PLCD1: variants seen among roughly 807,000 people sequenced by gnomAD.
PLCD1 encodes 1-phosphatidylinositol 4,5-bisphosphate phosphodiesterase delta-1.
In PLCD1, 71 loss-of-function variants were observed where a neutral mutation model predicts 87.4. The ratio of observed to expected loss-of-function variants is 0.81; its 90% CI spans 0.67 to 0.99. The LOEUF (loss-of-function observed/expected upper bound fraction) is 0.99, where lower values mean the gene tolerates loss of function less well. PLCD1 is among the 50% of genes least tolerant of loss of function. The pLI is 0.00. For synonymous variants in PLCD1, 348 were observed against 399.2 expected (o/e 0.87, Z 1.53); for missense variants, 867 against 1,001.5 (o/e 0.87, Z 1.81).
Position 38,008,085 on chromosome 3 carries a change from T to G in PLCD1, c.2114A>C (p.Glu705Ala). 1 of 1,614,128 alleles carries G rather than the reference T, an allele frequency of 6.2e-7. No individual in the cohort carries two copies. The highest frequency in any genetic ancestry group is 8.5e-7 in the Non-Finnish European group (1 of 1,179,996). Reference sequence around the variant, plus strand: ...ATTCTTGGAGGAGGCATCATAATCTTCCACCAAGAAGCGGATGAGGGCAAG... The same window carrying G: ...ATTCTTGGAGGAGGCATCATAATCTGCCACCAAGAAGCGGATGAGGGCAAG... Reference protein sequence around the residue: ...PDLALIRFLVEDYDASSKNDF... With the variant: ...PDLALIRFLVADYDASSKNDF... Residue 705 changes from glutamate (E) to alanine (A), a missense_variant, in exon 14 of 15, where the codon GAA (glutamate) becomes GCA (alanine). Transcript: ENST00000334661.
intron 1 of PLCD1, among the ~76,000 whole-genome samples, chr3:38,022,017 G>A (rs3753170): frequency 0.7 from 106,188 of 152,082 alleles, 37,612 homozygotes; most frequent in African/African-American, 0.82. Flanking sequence ...AGAGGTCAGT[G>A]CTAACATCCA....
intron 1 of PLCD1, among the ~76,000 whole-genome samples, chr3:38,022,977 G>T (rs374889370): frequency 1.5e-4 from 23 of 151,990 alleles, no homozygotes; most frequent in African/African-American, 5.3e-4. Context: ...ATCAATCTAA[G>T]AGCTTCTCCT....
At chr3:38,026,203 G>A (rs979089307) in intron 1 of PLCD1, among the ~76,000 whole-genome samples, 1 of 152,136 alleles carries the variant, frequency 6.6e-6, no homozygotes, top group Non-Finnish European at 1.5e-5. Context: ...GAATTCTTAT[G>A]TATTTTATTT....
chr3:38,008,221 G>A lies in PLCD1; in HGVS notation c.2035+14C>T. 1.9e-6 allele frequency: 3 copies of A among 1,613,948 alleles called. No homozygotes were observed. Among genetic ancestry groups the A allele is most frequent in the Non-Finnish European group, 2.5e-6 (3 of 1,180,044 alleles). On this transcript the variant is annotated intron_variant, in intron 13 of 14. Transcript: ENST00000334661. ...ACACCAGCCCTAGTAGCCCAGCCCAGGCCCAGCACCTACCATTGTTGGTGA... is the reference window on the plus strand; with the variant it reads ...ACACCAGCCCTAGTAGCCCAGCCCAAGCCCAGCACCTACCATTGTTGGTGA...
chr3:38,012,551 C>G (rs1700096706), intron 3 of PLCD1, among the ~76,000 whole-genome samples: 1 of 143,832 alleles, frequency 7.0e-6, no homozygotes, highest in Admixed American at 7.0e-5. Flanking sequence ...GAGTCTTGCT[C>G]TGTTGCCCAG....
At chr3:38,024,363 A>AC in intron 1 of PLCD1, 4 of 1,612,666 alleles carry the variant, frequency 2.5e-6, no homozygotes, top group Non-Finnish European at 3.4e-6. Context: ...GAGCGCCGCC[A>AC]CCTTAAGGCT....
In PLCD1 at chr3:38,024,866, A is replaced by T. The variant is rs1700290293; in HGVS notation, c.35-4514T>A. ...GGGGTGGGACTAACGACCCCTGGAGATGGGGCGAGAGTGGTGTCGAGGCGT... is the reference window on the plus strand; with the variant it reads ...GGGGTGGGACTAACGACCCCTGGAGTTGGGGCGAGAGTGGTGTCGAGGCGT... On this transcript the variant is annotated intron_variant, in intron 1 of 14. Transcript: ENST00000334661. 7 of 505,422 alleles carry T rather than the reference A, an allele frequency of 1.4e-5. No individual in the cohort carries two copies. The South Asian group carries it at 1.5e-4, about 11-fold the overall frequency. 31.3% of individuals were successfully genotyped at this position (505,422 alleles called of 1,614,324 possible).
chr3:38,009,130 C>G lies in PLCD1; in HGVS notation c.1635G>C (p.Gly545=), dbSNP rs1238988866. The part of the protein sequence containing the change: ...SGNGFVRHNV[G]HLSRIYPAGW... ...CAGCCGGGTAGATTCTGCTCAGGTG[C>G]CCCACGTTGTGGCGGACAAAGCCGT... The change falls in exon 11 of 15, where the codon GGG becomes GGC. Residue 545 remains glycine (G), a synonymous_variant. Coordinates refer to ENST00000334661, the MANE Select transcript of PLCD1 (RefSeq NM_006225.4). The G allele has an allele frequency of 6.2e-7, 1 of 1,614,050 alleles. No homozygotes were observed. Among genetic ancestry groups the G allele is most frequent in the Non-Finnish European group, 8.5e-7 (1 of 1,180,020 alleles).
In PLCD1 at chr3:38,008,269, C is replaced by A; in HGVS notation, c.2001G>T (p.Val667=). ...TGATGACAGCAGTCTGGCGGCTGGCCACGTCCCGGCTCACGCCATGGATCT... is the reference window on the plus strand; with the variant it reads ...TGATGACAGCAGTCTGGCGGCTGGCAACGTCCCGGCTCACGCCATGGATCT... ...TVEIHGVSRD[V]ASRQTAVITN... is the part of the protein sequence containing the mutation. The change falls in exon 13 of 15, where the codon GTG becomes GTT. Residue 667 remains valine (V), a synonymous_variant. Transcript: ENST00000334661. 5 of 1,614,156 alleles carry A rather than the reference C, an allele frequency of 3.1e-6. No individual in the cohort carries two copies. Among genetic ancestry groups the A allele is most frequent in the Non-Finnish European group, 3.4e-6 (4 of 1,180,032 alleles).
chr3:38,026,459 C>T (rs1394313669), intron 1 of PLCD1, among the ~76,000 whole-genome samples: 3 of 152,194 alleles, frequency 2.0e-5, no homozygotes, highest in African/African-American at 7.2e-5. Context: ...GTGGAGGTTT[C>T]GGTAAGCCGA....
At position 38,008,272 on chromosome 3, in the gene PLCD1, G is replaced by A. The variant is rs1699999022; in HGVS notation, c.1998C>T (p.Asp666=). ...VTVEIHGVSR[D]VASRQTAVIT... is the part of the protein sequence containing the mutation. ...TGACAGCAGTCTGGCGGCTGGCCAC[G>A]TCCCGGCTCACGCCATGGATCTCCA... The change falls in exon 13 of 15, where the codon GAC becomes GAT. Residue 666 remains aspartate, a synonymous_variant. Transcript: ENST00000334661. 9 of 1,614,016 alleles carry A rather than the reference G, an allele frequency of 5.6e-6. No homozygotes were observed. Among genetic ancestry groups the A allele is most frequent in the African/African-American group, 2.7e-5 (2 of 74,916 alleles).
rs772905548 is a variant in PLCD1, at chr3:38,011,238, C to CA, written c.765dup (p.Glu256Ter). The stretch of plus-strand genomic sequence containing the variant: ...CCAGTCTCGCTGGGCTCGTAGCGCT[C>CA]AATGAGGGAGAGGGCCAGCGCAGGC... On this transcript the variant is annotated frameshift_variant, in exon 5 of 15. Coordinates refer to ENST00000334661, the MANE Select transcript of PLCD1 (RefSeq NM_006225.4). LOFTEE classifies it high-confidence loss of function. 1.2e-6 allele frequency: 2 copies of CA among 1,610,586 alleles called. No homozygotes were observed. Among genetic ancestry groups the CA allele is most frequent in the Non-Finnish European group, 8.5e-7 (1 of 1,179,890 alleles).
Position 38,011,566 on chromosome 3 carries a change from C to G in PLCD1, c.536G>C (p.Ser179Thr). The G allele has an allele frequency of 6.2e-7, 1 of 1,614,208 alleles. No individual in the cohort carries two copies. Among genetic ancestry groups the G allele is most frequent in the Non-Finnish European group, 8.5e-7 (1 of 1,180,014 alleles). ...CACCCTGAAGATCTTCCGGGCATAG[C>G]TGTCGTCCACCTGGATGTTGAGCTC... ...LKELNIQVDD[S>T]YARKIFRECD... The change falls in exon 4 of 15, where the codon AGC (serine) becomes ACC (threonine). Residue 179 changes from serine to threonine, a missense_variant. Coordinates refer to ENST00000334661, the MANE Select transcript of PLCD1 (RefSeq NM_006225.4).
rs1700189564 is a variant in PLCD1, at chr3:38,018,541, T to G, written c.199+1647A>C. Among the ~76,000 whole-genome samples, 1 of 152,134 alleles carries G rather than the reference T, an allele frequency of 6.6e-6. No individual in the cohort carries two copies. Among genetic ancestry groups the G allele is most frequent in the Non-Finnish European group, 1.5e-5 (1 of 68,012 alleles). ...AAGGTCCTCCTCTCGCCAGCTCAAA[T>G]GTGGTTCCTGCGGGGAAAGGCCTGG... On this transcript the variant is annotated intron_variant, in intron 2 of 14. Transcript: ENST00000334661. This position sits in a 1 kb window ranked among gnomAD's most constrained non-coding sequence, Gnocchi z 5.7.
At chr3:38,024,359 C>T in intron 1 of PLCD1, 2 of 1,612,992 alleles carry the variant, frequency 1.2e-6, no homozygotes, top group Non-Finnish European at 8.5e-7. Flanking sequence ...CATTGAGCGC[C>T]GCCACCTTAA....
At chr3:38,026,342 C>A (rs6800078) in intron 1 of PLCD1, among the ~76,000 whole-genome samples, 112,623 of 152,034 alleles carry the variant, frequency 0.74, 42,513 homozygotes, top group African/African-American at 0.89. Flanking sequence ...AACATGGAGA[C>A]ACCCCGTCTC....
intron 1 of PLCD1, 80 bp from the exon 2 acceptor site, chr3:38,020,432 C>T: frequency 1.5e-6 from 2 of 1,366,198 alleles, no homozygotes; most frequent in Non-Finnish European, 2.1e-6. Flanking sequence ...CCATGCCCAC[C>T]TCGACCCTCT....
Position 38,025,355 on chromosome 3 carries a change from G to A in PLCD1, c.34+4151C>T, listed in dbSNP as rs1485248319. On this transcript the variant is annotated intron_variant, in intron 1 of 14. Coordinates refer to ENST00000334661, the MANE Select transcript of PLCD1 (RefSeq NM_006225.4). This position sits in a 1 kb window ranked among gnomAD's most constrained non-coding sequence, Gnocchi z 4.0. ...CGAAGGGCTGAGTCTGGGGAGAAAAGCTGAGGGGAGTCCCAGTGGGAGGTG... is the reference window on the plus strand; with the variant it reads ...CGAAGGGCTGAGTCTGGGGAGAAAAACTGAGGGGAGTCCCAGTGGGAGGTG... Among the ~76,000 whole-genome samples the A allele has an allele frequency of 4.6e-5, 7 of 152,342 alleles. No individual in the cohort carries two copies. Among genetic ancestry groups the A allele is most frequent in the Non-Finnish European group, 1.0e-4 (7 of 68,030 alleles).
rs946411861 is a variant in PLCD1 at position 38,025,365 on chromosome 3, G to A, written c.34+4141C>T. ...AGTCTGGGGAGAAAAGCTGAGGGGA[G>A]TCCCAGTGGGAGGTGGATGGCAGTC... On this transcript the variant is annotated intron_variant, in intron 1 of 14. Coordinates refer to ENST00000334661, the MANE Select transcript of PLCD1 (RefSeq NM_006225.4). This position sits in a 1 kb window ranked among gnomAD's most constrained non-coding sequence, Gnocchi z 4.0. 2.0e-5 allele frequency among the ~76,000 whole-genome samples: 3 copies of A among 152,222 alleles called. No individual in the cohort carries two copies. The highest frequency in any genetic ancestry group is 1.3e-4 in the Admixed American group (2 of 15,288).
Sources: allele counts gnomAD v4.1 joint callset (sites outside exome capture counted in the v4.1 genomes callset), GRCh38; gene constraint gnomAD v4.1.1; non-coding constraint Gnocchi (gnomAD v3.1); transcripts MANE v1.5; gene names NCBI Gene and HGNC (gene_info 2026-07-23, HGNC 2026-07-21).